Variants in VRK1 observed in about 807,000 individuals in gnomAD.
VRK1 encodes serine/threonine-protein kinase VRK1.
In VRK1, 33 loss-of-function variants were observed where a neutral mutation model predicts 57.1. The observed-to-expected ratio is 0.58, with a 90% CI of 0.44 to 0.77. The LOEUF (loss-of-function observed/expected upper bound fraction) is 0.77. VRK1 is among the 30% of genes least tolerant of loss of function. The probability of loss-of-function intolerance (pLI) is 0.00; values close to 1 mark genes in which losing one functional copy is unlikely to be tolerated. For missense variants in VRK1, 413 were observed against 477.3 expected (o/e 0.87, Z 1.25); for synonymous variants, 137 against 147.8 (o/e 0.93, Z 0.53).
At chr14:96,849,796 A>C (rs959830649) in intron 5 of VRK1, among the ~76,000 whole-genome samples, 3 of 152,228 alleles carry the variant, frequency 2.0e-5, no homozygotes, top group Non-Finnish European at 4.4e-5. Flanking sequence ...TTTTAAAAGT[A>C]GCCCACACTG....
chr14:96,880,793 T>TA (rs1889230683), intron 12 of VRK1, among the ~76,000 whole-genome samples: 1 of 152,178 alleles, frequency 6.6e-6, no homozygotes, highest in Non-Finnish European at 1.5e-5. Flanking sequence ...CGCTTCCACC[T>TA]TAGGAGTGAA....
At chr14:96,839,199 A>T (rs1280637603) in intron 3 of VRK1, among the ~76,000 whole-genome samples, 1 of 150,138 alleles carries the variant, frequency 6.7e-6, no homozygotes, top group Admixed American at 6.7e-5. Context: ...ATAACGTTTT[A>T]ATGGTTCATC....
intron 2 of VRK1, among the ~76,000 whole-genome samples, chr14:96,836,065 G>A (rs569621460): frequency 6.6e-6 from 1 of 152,250 alleles, no homozygotes; most frequent in South Asian, 2.1e-4. Context: ...TCTCCTCAAA[G>A]TCTGTGCTTC....
chr14:96,835,111 C>G (rs1335937671), intron 2 of VRK1, among the ~76,000 whole-genome samples: 1 of 152,084 alleles, frequency 6.6e-6, no homozygotes, highest in Non-Finnish European at 1.5e-5. Context: ...TAAAACTTTA[C>G]TTTTGTAAGG....
chr14:96,856,632 G>T, intron 10 of VRK1, 46 bp downstream of exon 10: 1 of 1,509,774 alleles, frequency 6.6e-7, no homozygotes, highest in Non-Finnish European at 9.2e-7. Context: ...TGTTTTCTGG[G>T]GATAAAAAGG....
intron 11 of VRK1, among the ~76,000 whole-genome samples, chr14:96,861,929 C>T (rs964832370): frequency 6.6e-6 from 1 of 152,160 alleles, no homozygotes. Context: ...CATAAACAAG[C>T]AGCATGTTTC....
At chr14:96,838,145 G>A (rs1887295891) in intron 3 of VRK1, among the ~76,000 whole-genome samples, 1 of 151,970 alleles carries the variant, frequency 6.6e-6, no homozygotes, top group African/African-American at 2.4e-5. Flanking sequence ...TATCCTATAA[G>A]ACTATACTAA....
intron 1 of VRK1, among the ~76,000 whole-genome samples, chr14:96,802,944 C>T (rs758826314): frequency 6.6e-6 from 1 of 152,134 alleles, no homozygotes; most frequent in Non-Finnish European, 1.5e-5. Flanking sequence ...TCTAGAAATT[C>T]AACTGCTGGG....
intron 1 of VRK1, among the ~76,000 whole-genome samples, chr14:96,812,679 T>C (rs1886251242): frequency 6.6e-6 from 1 of 152,222 alleles, no homozygotes; most frequent in African/African-American, 2.4e-5. Flanking sequence ...TTCTTCCATT[T>C]TGTTCAGAGA....
At chr14:96,856,717 C>T (rs1405478819) in intron 10 of VRK1, 131 bp downstream of exon 10, 2 of 784,570 alleles carry the variant, frequency 2.5e-6, no homozygotes, top group Non-Finnish European at 4.3e-6. Context: ...ACCTGTAATC[C>T]CAGCACTTTG....
intron 3 of VRK1, among the ~76,000 whole-genome samples, chr14:96,839,407 T>TA (rs1490261900): frequency 2.0e-5 from 3 of 152,206 alleles, no homozygotes; most frequent in African/African-American, 7.2e-5. Context: ...TATTTAAACT[T>TA]ATAAGAAAGT....
chr14:96,860,255 AT>A (rs989204164), intron 10 of VRK1, among the ~76,000 whole-genome samples: 4 of 151,980 alleles, frequency 2.6e-5, no homozygotes, highest in African/African-American at 9.7e-5. Flanking sequence ...ATCCCTTTGT[AT>A]TTTTTTATAA....
intron 1 of VRK1, among the ~76,000 whole-genome samples, chr14:96,799,986 C>T (rs1198839077): frequency 6.7e-6 from 1 of 148,592 alleles, no homozygotes; most frequent in Non-Finnish European, 1.5e-5. Context: ...GCATCCAGCA[C>T]AGAATAATCC....
intron 1 of VRK1, among the ~76,000 whole-genome samples, chr14:96,807,090 CA>C (rs1158000577): frequency 6.6e-6 from 1 of 152,170 alleles, no homozygotes; most frequent in Non-Finnish European, 1.5e-5. Flanking sequence ...TGACATTTTA[CA>C]TGGGTCACTG....
rs149825349 is a variant in VRK1, at chr14:96,837,741, A to G, written c.161-21A>G. ...ATAATATTACTTGTTCTGATATCAA[A>G]TATTTTACTTTTTTAAACAGCTGAT... On this transcript the variant is annotated intron_variant, in intron 2 of 12. Transcript: ENST00000216639. 1.4e-4 allele frequency: 212 copies of G among 1,518,914 alleles called. 1 individual carries two copies. The African/African-American group carries it at 2.7e-3, about 19-fold the overall frequency. The allele number at this position is 1,518,914 out of a possible 1,614,324, so 94.1% of individuals were successfully genotyped here. A position where few individuals can be genotyped will look rare whatever the true frequency, so the allele number is the denominator to read the frequency against.
intron 1 of VRK1, among the ~76,000 whole-genome samples, chr14:96,832,423 A>G (rs1385169578): frequency 6.6e-6 from 1 of 152,154 alleles, no homozygotes; most frequent in East Asian, 1.9e-4. Flanking sequence ...TTTGATTAAC[A>G]TTTATAGAAC....
chr14:96,815,439 A>T (rs1448902679), intron 1 of VRK1, among the ~76,000 whole-genome samples: 1 of 152,154 alleles, frequency 6.6e-6, no homozygotes, highest in Non-Finnish European at 1.5e-5. Flanking sequence ...AATAATAAAG[A>T]CGGAGGGGTA....
At chr14:96,825,768 G>C (rs904322781) in intron 1 of VRK1, among the ~76,000 whole-genome samples, 1 of 152,292 alleles carries the variant, frequency 6.6e-6, no homozygotes, top group Middle Eastern at 3.4e-3. Flanking sequence ...AGTCCAGTTT[G>C]TCCAGAATTA....
chr14:96,808,962 T>C (rs1441715296), intron 1 of VRK1, among the ~76,000 whole-genome samples: 1 of 152,230 alleles, frequency 6.6e-6, no homozygotes, highest in Non-Finnish European at 1.5e-5. Context: ...TCCACTTTCC[T>C]GTATGGTACC....
Sources: gnomAD v4.1 joint callset for allele counts (sites outside exome capture counted in the v4.1 genomes callset) on GRCh38, gnomAD v4.1.1 for gene constraint, MANE v1.5 for transcripts, NCBI Gene and HGNC (gene_info 2026-07-23, HGNC 2026-07-21) for gene names.